REV1: variants seen among roughly 807,000 people sequenced by gnomAD.
REV1 encodes REV1 DNA directed polymerase.
REV1 carries 42 observed loss-of-function variants against 137.4 expected under a neutral mutation model. The observed-to-expected ratio is 0.31, with a 90% CI of 0.24 to 0.40. The LOEUF is 0.40. Ranked by LOEUF, REV1 falls within the 10% of genes least tolerant of loss-of-function variation. The pLI is 1.00. For missense variants in REV1, 1,282 were observed against 1,490.1 expected (o/e 0.86, Z 2.30); for synonymous variants, 524 against 519.2 (o/e 1.01, Z -0.12).
At chr2:99,429,227 A>C (rs1207229851) in intron 9 of REV1, among the ~76,000 whole-genome samples, 2 of 152,150 alleles carry the variant, frequency 1.3e-5, no homozygotes, top group African/African-American at 4.8e-5. Context: ...ATTATGAGGA[A>C]GATATATATA....
chr2:99,452,443 GAAAA>G (rs958533225), intron 3 of REV1, among the ~76,000 whole-genome samples: 2 of 141,858 alleles, frequency 1.4e-5, no homozygotes, highest in Non-Finnish European at 1.5e-5. Context: ...AAAAGGAAAA[GAAAA>G]AAAAAGGGGG....
At chr2:99,401,522 G>A (rs777387504) in intron 22 of REV1, among the ~76,000 whole-genome samples, 170 bp from the exon 23 acceptor site, 29 of 151,864 alleles carry the variant, frequency 1.9e-4, no homozygotes, top group Non-Finnish European at 3.4e-4. Flanking sequence ...CGAGGAGGGC[G>A]GATCACCTGA....
intron 1 of REV1, among the ~76,000 whole-genome samples, chr2:99,468,902 C>G (rs1323809000): frequency 6.6e-6 from 1 of 152,120 alleles, no homozygotes; most frequent in African/African-American, 2.4e-5. Flanking sequence ...CCTTTGAAAA[C>G]TATAACACAG....
intron 1 of REV1, among the ~76,000 whole-genome samples, chr2:99,470,524 C>G (rs1327571076): frequency 6.6e-6 from 1 of 152,208 alleles, no homozygotes. Flanking sequence ...ATGTTCTTAG[C>G]TCCCACAATT....
At chr2:99,457,687 G>GA (rs371360329) in intron 3 of REV1, among the ~76,000 whole-genome samples, 23,157 of 115,168 alleles carry the variant, frequency 0.2, 2,235 homozygotes, top group African/African-American at 0.32. Flanking sequence ...CCTGTCTCAA[G>GA]AAAAAAAAAA....
At chr2:99,476,214 C>T (rs1685956933) in intron 1 of REV1, among the ~76,000 whole-genome samples, 1 of 152,116 alleles carries the variant, frequency 6.6e-6, no homozygotes, top group Admixed American at 6.5e-5. Flanking sequence ...TTTCTTTTCC[C>T]CCCCTTCACA....
chr2:99,410,292 T>C (rs1559293171), intron 14 of REV1, among the ~76,000 whole-genome samples: 1 of 152,202 alleles, frequency 6.6e-6, no homozygotes, highest in Non-Finnish European at 1.5e-5. Flanking sequence ...ATTACAGGTA[T>C]GAGCCACCAC....
chr2:99,438,935 G>A lies in REV1; in HGVS notation c.879C>T (p.His293=), dbSNP rs1380135590. The A allele has an allele frequency of 1.2e-6, 2 of 1,614,066 alleles. No homozygotes were observed. The highest frequency in any genetic ancestry group is 1.1e-5 in the South Asian group (1 of 91,094). ...GTGATAATGAGAAAGAATTAGTTCT[G>A]TGTGGATTCCGCAAAGCATCTGTGT... ...TRNTDALRNP[H]RTNSFSLSPL... Residue 293 remains histidine, a synonymous_variant, in exon 6 of 23, where the codon CAC becomes CAT. Coordinates refer to ENST00000258428, the MANE Select transcript of REV1 (RefSeq NM_016316.4).
chr2:99,442,541 G>A (rs1439224225), intron 4 of REV1, 72 bp from the exon 5 acceptor site: 3 of 1,374,812 alleles, frequency 2.2e-6, no homozygotes, highest in Non-Finnish European at 3.1e-6. Context: ...AATATTCAAT[G>A]TCCTTAAAGA....
intron 14 of REV1, among the ~76,000 whole-genome samples, 184 bp downstream of exon 14, chr2:99,410,511 C>G (rs956815659): frequency 6.6e-6 from 1 of 152,164 alleles, no homozygotes; most frequent in Non-Finnish European, 1.5e-5. Context: ...GTGTGGGCCT[C>G]GCTGAAACCA....
chr2:99,433,810 G>A (rs1040154444), intron 8 of REV1, among the ~76,000 whole-genome samples: 3 of 152,158 alleles, frequency 2.0e-5, no homozygotes, highest in African/African-American at 7.2e-5. Context: ...TAAGTATTAT[G>A]ACTAGTACAA....
chr2:99,430,043 A>C (rs2104714928), intron 8 of REV1, 95 bp from the exon 9 acceptor site: 1 of 673,648 alleles, frequency 1.5e-6, no homozygotes, highest in Non-Finnish European at 2.4e-6. Flanking sequence ...TCATATAAAA[A>C]TGTTCAGTAA....
At chr2:99,401,784 T>A (rs1003753633) in intron 22 of REV1, among the ~76,000 whole-genome samples, 12 of 152,164 alleles carry the variant, frequency 7.9e-5, no homozygotes, top group East Asian at 1.9e-4. Flanking sequence ...AATTTTTTTT[T>A]ATTTTGTTTT....
intron 4 of REV1, among the ~76,000 whole-genome samples, chr2:99,445,131 C>T (rs199738055): frequency 7.1e-6 from 1 of 140,750 alleles, no homozygotes; most frequent in Non-Finnish European, 1.6e-5. Context: ...CGTTTAGGAA[C>T]AAAAAAAAAA....
At chr2:99,422,843 T>C (rs1038416848) in intron 10 of REV1, among the ~76,000 whole-genome samples, 1 of 152,146 alleles carries the variant, frequency 6.6e-6, no homozygotes, top group Non-Finnish European at 1.5e-5. Flanking sequence ...TGATGCTTGC[T>C]CTAGGGCTTC....
At chr2:99,426,239 C>A (rs1020622979) in intron 9 of REV1, among the ~76,000 whole-genome samples, 1 of 133,992 alleles carries the variant, frequency 7.5e-6, no homozygotes. Context: ...CCCAGCTACT[C>A]GGGAGGCTGA....
chr2:99,452,862 G>A (rs1393589676), intron 3 of REV1, among the ~76,000 whole-genome samples: 1 of 152,166 alleles, frequency 6.6e-6, no homozygotes, highest in African/African-American at 2.4e-5. Flanking sequence ...TGTATTAAGA[G>A]GACAGACTCC....
chr2:99,458,177 C>T (rs542219335), intron 3 of REV1, among the ~76,000 whole-genome samples: 1 of 152,130 alleles, frequency 6.6e-6, no homozygotes, highest in South Asian at 2.1e-4. Flanking sequence ...GGAGAAAATA[C>T]CTGCAAACCA....
At chr2:99,446,063 A>G (rs1221605847) in intron 4 of REV1, among the ~76,000 whole-genome samples, 1 of 152,254 alleles carries the variant, frequency 6.6e-6, no homozygotes, top group Non-Finnish European at 1.5e-5. Context: ...AAACAGTGCC[A>G]TGATTTAACC....
Sources: allele counts gnomAD v4.1 joint callset (sites outside exome capture counted in the v4.1 genomes callset), GRCh38; gene constraint gnomAD v4.1.1; transcripts MANE v1.5; gene names NCBI Gene and HGNC (gene_info 2026-07-23, HGNC 2026-07-21).